TMEM154: variants seen among roughly 807,000 people sequenced by gnomAD.
The protein encoded by TMEM154 is transmembrane protein 154.
In TMEM154, 27 loss-of-function variants were observed where a neutral mutation model predicts 24.5. The observed-to-expected ratio is 1.10, with a 90% confidence interval of 0.81 to 1.52. The LOEUF (loss-of-function observed/expected upper bound fraction) is 1.52. Ranked by LOEUF, TMEM154 falls within the 40% of genes most tolerant of loss-of-function variation. TMEM154 has a pLI of 0.00. For synonymous variants in TMEM154, 67 were observed against 76.8 expected, an observed-to-expected ratio of 0.87 and a Z score of 0.67; for missense variants, 228 against 213.4, an observed-to-expected ratio of 1.07 and a Z score of -0.43.
intron 5 of TMEM154, among the ~76,000 whole-genome samples, chr4:152,642,283 G>A (rs886367049): frequency 5.3e-5 from 8 of 152,126 alleles, no homozygotes; most frequent in Middle Eastern, 3.4e-3. Context: ...TGTTGAATTT[G>A]ACAGACCCTA....
chr4:152,620,157 A>T lies in TMEM154; in HGVS notation c.*8389T>A, dbSNP rs760333482. The T allele has an allele frequency of 6.6e-6, 1 of 152,126 alleles. No individual in the cohort carries two copies. Among genetic ancestry groups the T allele is most frequent in the Non-Finnish European group, 1.5e-5 (1 of 68,038 alleles). The allele number at this position is 152,126 out of a possible 1,614,324, so 9.4% of individuals were successfully genotyped here. On this transcript the variant is annotated 3_prime_UTR_variant, in exon 7 of 7. Coordinates refer to ENST00000304385, the MANE Select transcript of TMEM154 (RefSeq NM_152680.3). Reference sequence around the variant, plus strand: ...GCCAGTCTGCTTGAATGTCTTTCCAATTCTAGCACTAAACACACCTGTCTC... The same window carrying T: ...GCCAGTCTGCTTGAATGTCTTTCCATTTCTAGCACTAAACACACCTGTCTC...
chr4:152,635,680 G>A (rs138893975), intron 6 of TMEM154, among the ~76,000 whole-genome samples: 83 of 152,034 alleles, frequency 5.5e-4, no homozygotes, highest in African/African-American at 1.9e-3. Flanking sequence ...TAATGACATC[G>A]AGCTCAGAAA....
chr4:152,628,233 A>C lies in TMEM154; in HGVS notation c.*313T>G. The C allele has an allele frequency of 2.2e-6, 1 of 459,038 alleles. No homozygotes were observed. Among genetic ancestry groups the C allele is most frequent in the South Asian group, 2.8e-5 (1 of 35,304 alleles). The allele number at this position is 459,038 out of a possible 1,614,324, so 28.4% of individuals were successfully genotyped here. A position where few individuals can be genotyped will look rare whatever the true frequency, so the allele number is the denominator to read the frequency against. The stretch of plus-strand genomic sequence containing the variant: ...TATCATGACCAGAGTGAGTTCAGTG[A>C]GCTAGAAGTTGGCTGAGAGGAGGCA... On this transcript the variant is annotated 3_prime_UTR_variant, in exon 7 of 7. Transcript: ENST00000304385.
At chr4:152,662,811 G>A (rs955098990) in intron 1 of TMEM154, among the ~76,000 whole-genome samples, 2 of 152,196 alleles carry the variant, frequency 1.3e-5, no homozygotes, top group Non-Finnish European at 2.9e-5. Context: ...TCCAGCCACT[G>A]TGGAGGAAGG....
intron 3 of TMEM154, among the ~76,000 whole-genome samples, chr4:152,648,182 C>G (rs1272466648): frequency 6.6e-6 from 1 of 152,068 alleles, no homozygotes; most frequent in Admixed American, 6.5e-5. Flanking sequence ...TCAAGGCTTC[C>G]TAAAAACTGG....
chr4:152,642,004 C>G (rs1752268588), intron 5 of TMEM154, among the ~76,000 whole-genome samples: 1 of 141,070 alleles, frequency 7.1e-6, no homozygotes, highest in Non-Finnish European at 1.5e-5. Context: ...CTCACTGCAA[C>G]CTCCGCCTCC....
chr4:152,654,063 G>T (rs1728443579), intron 1 of TMEM154, among the ~76,000 whole-genome samples: 1 of 151,714 alleles, frequency 6.6e-6, no homozygotes, highest in Non-Finnish European at 1.5e-5. Context: ...AAAGAAAAAA[G>T]AAAAGGAAAA....
intron 3 of TMEM154, among the ~76,000 whole-genome samples, chr4:152,645,880 A>G (rs1388008381): frequency 6.6e-6 from 1 of 151,630 alleles, no homozygotes; most frequent in Non-Finnish European, 1.5e-5. Flanking sequence ...GTAGGCATCT[A>G]AAGCTTCCTG....
intron 1 of TMEM154, chr4:152,668,632 C>T (rs1728768154): frequency 6.6e-6 from 1 of 152,228 alleles, no homozygotes; most frequent in Non-Finnish European, 1.5e-5. Flanking sequence ...CAGAGACAAA[C>T]AAAACAACAA....
chr4:152,667,326 C>CA (rs1262577180), intron 1 of TMEM154, among the ~76,000 whole-genome samples: 1 of 152,138 alleles, frequency 6.6e-6, no homozygotes, highest in African/African-American at 2.4e-5. Flanking sequence ...GGTTTTCCTT[C>CA]AAAAAGCTAT....
intron 1 of TMEM154, among the ~76,000 whole-genome samples, chr4:152,661,284 T>TTCTCTCTCTCTCTCTCTCTCTC (rs70949609): frequency 3.2e-5 from 2 of 63,454 alleles, no homozygotes; most frequent in African/African-American, 6.0e-5. Flanking sequence ...ATTGTTCTCT[T>TTCTCTCTCTCTCTCTCTCTCTC]TCTCTCTCTC....
chr4:152,674,535 C>T (rs1728913618), intron 1 of TMEM154, among the ~76,000 whole-genome samples: 1 of 152,148 alleles, frequency 6.6e-6, no homozygotes, highest in African/African-American at 2.4e-5. Context: ...CGGCTCTGGT[C>T]TGCCAGCTTA....
intron 3 of TMEM154, among the ~76,000 whole-genome samples, chr4:152,648,819 C>G (rs1053413482): frequency 6.6e-6 from 1 of 152,190 alleles, no homozygotes; most frequent in African/African-American, 2.4e-5. Flanking sequence ...AACATCCCCC[C>G]ACCCCTTGAG....
At chr4:152,640,566 C>G (rs891039931) in intron 6 of TMEM154, among the ~76,000 whole-genome samples, 2 of 152,140 alleles carry the variant, frequency 1.3e-5, no homozygotes, top group African/African-American at 4.8e-5. Flanking sequence ...AAGACTGTCG[C>G]CTCCATCTGT....
intron 5 of TMEM154, 63 bp downstream of exon 5, chr4:152,643,025 A>C: frequency 8.4e-7 from 1 of 1,191,354 alleles, no homozygotes; most frequent in Non-Finnish European, 1.2e-6. Context: ...ATATTTATAA[A>C]GCTGTTGCAG....
rs3924955 is a variant in TMEM154 at position 152,621,901 on chromosome 4, C to T, written c.*6645G>A. 0.073 allele frequency: 11,136 copies of T among 151,986 alleles called. 628 individuals are homozygous for T. Among genetic ancestry groups the T allele is most frequent in the African/African-American group, 0.16 (6,440 of 41,426 alleles). The allele number at this position is 151,986 out of a possible 1,614,324, so 9.4% of individuals were successfully genotyped here. On this transcript the variant is annotated 3_prime_UTR_variant, in exon 7 of 7. Transcript: ENST00000304385. Reference sequence around the variant, plus strand: ...CTCAGTCTTGGCACTCACTGCAAACCCCGCCTCCCAGGTTCAAGCAATTCT... The same window carrying T: ...CTCAGTCTTGGCACTCACTGCAAACTCCGCCTCCCAGGTTCAAGCAATTCT...
intron 6 of TMEM154, among the ~76,000 whole-genome samples, chr4:152,640,075 T>G (rs534000250): frequency 7.9e-5 from 12 of 152,312 alleles, no homozygotes; most frequent in African/African-American, 2.9e-4. Context: ...CTTCAGGGGT[T>G]GCCTGGTGAC....
At chr4:152,661,407 TATGTGCTAGCTGCTAGGATACAC>T (rs1425534045) in intron 1 of TMEM154, among the ~76,000 whole-genome samples, 2 of 151,344 alleles carry the variant, frequency 1.3e-5, no homozygotes, top group African/African-American at 2.4e-5. Context: ...GAATGCTTAG[TATGTGCTAGCTGCTAGGATACAC>T]ATGTGCTATC....
At chr4:152,668,420 G>C (rs969652967) in intron 1 of TMEM154, 1 of 151,772 alleles carries the variant, frequency 6.6e-6, no homozygotes, top group African/African-American at 2.4e-5. Context: ...AATTATAATT[G>C]AAAAGAGTAA....
Sources: allele counts gnomAD v4.1 joint callset (sites outside exome capture counted in the v4.1 genomes callset), GRCh38; gene constraint gnomAD v4.1.1; transcripts MANE v1.5; gene names NCBI Gene and HGNC (gene_info 2026-07-23, HGNC 2026-07-21).